ARHGAP26: variants seen among roughly 807,000 people sequenced by gnomAD.
The protein encoded by ARHGAP26 is Rho GTPase activating protein 26, also known as rho GTPase-activating protein 26.
In ARHGAP26, 38 loss-of-function variants were observed where a neutral mutation model predicts 104.8. That is an observed-to-expected ratio of 0.36 (90% CI 0.28 to 0.48). The LOEUF (loss-of-function observed/expected upper bound fraction) is 0.48, where lower values mean the gene tolerates loss of function less well. ARHGAP26 is among the 20% of genes least tolerant of loss of function. The pLI is 0.99. For synonymous variants in ARHGAP26, 341 were observed against 340.0 expected, an observed-to-expected ratio of 1.00 and a Z score of -0.03; for missense variants, 704 against 947.9, an observed-to-expected ratio of 0.74 and a Z score of 3.38.
At chr5:143,002,647 C>G (rs1040638955) in intron 11 of ARHGAP26, among the ~76,000 whole-genome samples, 1 of 152,226 alleles carries the variant, frequency 6.6e-6, no homozygotes, top group African/African-American at 2.4e-5. Flanking sequence ...CTGTCATGCA[C>G]TTGATAGCAA....
intron 18 of ARHGAP26, among the ~76,000 whole-genome samples, chr5:143,132,682 G>T (rs945739874): frequency 6.6e-6 from 1 of 152,096 alleles, no homozygotes; most frequent in Non-Finnish European, 1.5e-5. Flanking sequence ...AGTGCCTGGT[G>T]TGGCAAGGAC....
chr5:143,142,464 T>C (rs1316491193), intron 19 of ARHGAP26, among the ~76,000 whole-genome samples: 3 of 151,650 alleles, frequency 2.0e-5, no homozygotes, highest in Non-Finnish European at 2.9e-5. Flanking sequence ...ATGTATAGAG[T>C]CTATCATCAC....
chr5:142,886,384 C>T (rs919929346), intron 5 of ARHGAP26, among the ~76,000 whole-genome samples: 2 of 152,316 alleles, frequency 1.3e-5, no homozygotes, highest in East Asian at 1.9e-4. Flanking sequence ...CAATTGGTTA[C>T]ACATCTTGGG....
Position 142,979,629 on chromosome 5 carries a change from A to G in ARHGAP26, c.1108-34451A>G, listed in dbSNP as rs966787859. Reference sequence around the variant, plus strand: ...GTGAAATATTTTTCAAATTTCTTCCATACACAATCAAGGAAAAAGGAAAAT... The same window carrying G: ...GTGAAATATTTTTCAAATTTCTTCCGTACACAATCAAGGAAAAAGGAAAAT... On this transcript the variant is annotated intron_variant, in intron 11 of 22. Coordinates refer to ENST00000645722, the MANE Select transcript of ARHGAP26 (RefSeq NM_001135608.3). Among the ~76,000 whole-genome samples the G allele has an allele frequency of 5.3e-5, 8 of 152,260 alleles. 1 individual carries two copies. Among genetic ancestry groups the G allele is most frequent in the African/African-American group, 7.2e-5 (3 of 41,470 alleles).
intron 20 of ARHGAP26, among the ~76,000 whole-genome samples, chr5:143,149,398 C>T (rs1313440358): frequency 6.6e-6 from 1 of 152,132 alleles, no homozygotes; most frequent in Non-Finnish European, 1.5e-5. Flanking sequence ...CCAGCGTCTG[C>T]CATGGCCCTG....
intron 20 of ARHGAP26, among the ~76,000 whole-genome samples, chr5:143,166,730 T>C (rs1802003158): frequency 6.6e-6 from 1 of 152,258 alleles, no homozygotes; most frequent in East Asian, 1.9e-4. Flanking sequence ...GATTCTACAG[T>C]TTAATCATCT....
At position 143,131,403 on chromosome 5, in the gene ARHGAP26, AAAAG is replaced by A. The variant is rs145019936; in HGVS notation, c.1699-2562_1699-2559del. On this transcript the variant is annotated intron_variant, in intron 18 of 22. Transcript: ENST00000645722. ...TCATTTTCAGTAACTCATTAGAAAAAAAAGAGACAAAATTTGGAGGCCAGAGGCA... is the reference window on the plus strand; with the variant it reads ...TCATTTTCAGTAACTCATTAGAAAAAAGACAAAATTTGGAGGCCAGAGGCA... Among the ~76,000 whole-genome samples the A allele has an allele frequency of 1.6e-3, 240 of 152,300 alleles. 1 individual carries two copies. The highest frequency in any genetic ancestry group is 2.7e-3 in the Non-Finnish European group (183 of 68,020).
intron 11 of ARHGAP26, among the ~76,000 whole-genome samples, chr5:142,978,978 A>G (rs1488311027): frequency 6.6e-6 from 1 of 152,218 alleles, no homozygotes; most frequent in African/African-American, 2.4e-5. Context: ...GAAACTGTTT[A>G]AAACAAAAGT....
intron 17 of ARHGAP26, among the ~76,000 whole-genome samples, chr5:143,119,798 T>TACAC (rs762129102): frequency 5.3e-5 from 8 of 151,888 alleles, no homozygotes; most frequent in Non-Finnish European, 1.0e-4. Flanking sequence ...TATAGAAAAG[T>TACAC]ACACATCTGC....
intron 1 of ARHGAP26, among the ~76,000 whole-genome samples, chr5:142,839,896 A>AGGGGG (rs1770407097): frequency 6.0e-5 from 1 of 16,604 alleles, no homozygotes; most frequent in Non-Finnish European, 1.2e-4. Context: ...GAGAGAGAGG[A>AGGGGG]GGGGAGGGGA....
chr5:143,204,432 G>C (rs1006646527), intron 20 of ARHGAP26, among the ~76,000 whole-genome samples: 4 of 152,224 alleles, frequency 2.6e-5, no homozygotes, highest in Non-Finnish European at 5.9e-5. Context: ...GCTGAGGTAG[G>C]AGAATCGCTT....
intron 1 of ARHGAP26, among the ~76,000 whole-genome samples, chr5:142,782,363 A>G (rs1258089356): frequency 1.3e-5 from 2 of 152,166 alleles, no homozygotes; most frequent in Non-Finnish European, 2.9e-5. Flanking sequence ...GAGTGACTGA[A>G]TCTATAAGAG....
At chr5:143,017,768 T>C (rs954908939) in intron 12 of ARHGAP26, among the ~76,000 whole-genome samples, 4 of 152,222 alleles carry the variant, frequency 2.6e-5, no homozygotes, top group Non-Finnish European at 5.9e-5. Flanking sequence ...TTTGTAGAGA[T>C]GTACTCCATC....
chr5:143,211,454 T>C (rs1218572102), intron 21 of ARHGAP26, among the ~76,000 whole-genome samples: 1 of 152,190 alleles, frequency 6.6e-6, no homozygotes, highest in Non-Finnish European at 1.5e-5. Flanking sequence ...TTTTTGTGCC[T>C]ATCCTAAAGC....
chr5:143,059,021 G>T (rs77200203), intron 17 of ARHGAP26, among the ~76,000 whole-genome samples: 3,127 of 152,302 alleles, frequency 0.021, 88 homozygotes, highest in African/African-American at 0.069. Context: ...AAAATAATGG[G>T]AACTGGGCTT....
chr5:143,058,956 C>T (rs1280357262), intron 17 of ARHGAP26, among the ~76,000 whole-genome samples: 3 of 152,080 alleles, frequency 2.0e-5, no homozygotes, highest in Non-Finnish European at 4.4e-5. Context: ...AGATAACATG[C>T]AAGTTTACAG....
chr5:143,156,790 C>T (rs952238164), intron 20 of ARHGAP26, among the ~76,000 whole-genome samples: 24 of 152,222 alleles, frequency 1.6e-4, no homozygotes, highest in Non-Finnish European at 3.2e-4. Flanking sequence ...TGGGATCAGT[C>T]ACAGCTTATA....
At chr5:142,909,337 T>C (rs370324068) in intron 9 of ARHGAP26, among the ~76,000 whole-genome samples, 24 of 152,208 alleles carry the variant, frequency 1.6e-4, no homozygotes, top group African/African-American at 5.8e-4. Context: ...TGCAGTACAT[T>C]TTTATGCAAC....
intron 20 of ARHGAP26, chr5:143,202,412 A>C (rs1807896186): frequency 6.6e-6 from 1 of 152,170 alleles, no homozygotes. Flanking sequence ...AGGAAATAAG[A>C]CAAGGACACA....
Sources: gnomAD v4.1 joint callset for allele counts (sites outside exome capture counted in the v4.1 genomes callset) on GRCh38, gnomAD v4.1.1 for gene constraint, MANE v1.5 for transcripts, NCBI Gene and HGNC (gene_info 2026-07-23, HGNC 2026-07-21) for gene names.